Variants in SAMMSON observed in about 807,000 individuals in gnomAD.
SAMMSON encodes the protein survival associated mitochondrial melanoma specific oncogenic non-coding RNA, also known as long intergenic non-protein coding RNA 1212.
At chr3:70,192,071 TAA>T (rs1023779334) in intron 4 of SAMMSON, among the ~76,000 whole-genome samples, 7 of 152,086 alleles carry the variant, frequency 4.6e-5, no homozygotes, top group African/African-American at 1.7e-4. Context: ...AACTATATAC[TAA>T]GAGTGTAAGG....
intron 7 of SAMMSON, among the ~76,000 whole-genome samples, chr3:70,347,924 TC>T (rs1301437689): frequency 1.3e-5 from 2 of 152,096 alleles, no homozygotes; most frequent in Non-Finnish European, 2.9e-5. Context: ...ATGCCTATAA[TC>T]CCAGCTACTT....
intron 6 of SAMMSON, among the ~76,000 whole-genome samples, chr3:70,276,081 A>T (rs1266050701): frequency 1.3e-5 from 2 of 152,184 alleles, no homozygotes; most frequent in African/African-American, 2.4e-5. Context: ...AAATACAATT[A>T]TAATTAAGAT....
At chr3:70,119,359 C>T (rs907741564) in intron 4 of SAMMSON, among the ~76,000 whole-genome samples, 1 of 152,126 alleles carries the variant, frequency 6.6e-6, no homozygotes, top group African/African-American at 2.4e-5. Context: ...GAGCCACTGC[C>T]CCCTGACCGC....
chr3:70,209,530 C>G lies in SAMMSON; in HGVS notation n.508-39577C>G, dbSNP rs948819347. ...GATGGGAAATGTATGAATGGGTATC[C>G]CCAGTTAGCAGATGAATGAAGGTAA... is the stretch of plus-strand genomic sequence containing the variant. On this transcript the variant is annotated intron_variant and non_coding_transcript_variant, in intron 4 of 9. Coordinates refer to ENST00000642114, the Ensembl canonical transcript of SAMMSON. Among the ~76,000 whole-genome samples, 10 of 152,004 alleles carry G rather than the reference C, an allele frequency of 6.6e-5. No individual in the cohort carries two copies. In the East Asian group the frequency reaches 1.9e-3, roughly 29 times the overall value.
chr3:70,154,924 G>A (rs1279766047), intron 4 of SAMMSON, among the ~76,000 whole-genome samples: 1 of 151,864 alleles, frequency 6.6e-6, no homozygotes, highest in Non-Finnish European at 1.5e-5. Flanking sequence ...TAAAGGGTAG[G>A]GGTTCATGAC....
chr3:70,185,613 G>T (rs2106707998), intron 4 of SAMMSON, among the ~76,000 whole-genome samples: 1 of 152,188 alleles, frequency 6.6e-6, no homozygotes, highest in South Asian at 2.1e-4. Flanking sequence ...ATAAGTAAAA[G>T]AATCAAAATA....
chr3:70,196,299 C>A lies in SAMMSON; in HGVS notation n.508-52808C>A, dbSNP rs79024474. 3.3e-3 allele frequency among the ~76,000 whole-genome samples: 495 copies of A among 152,182 alleles called. 4 individuals carry two copies. Among genetic ancestry groups the A allele is most frequent in the African/African-American group, 0.012 (481 of 41,522 alleles). On this transcript the variant is annotated intron_variant and non_coding_transcript_variant, in intron 4 of 9. Coordinates refer to ENST00000642114, the Ensembl canonical transcript of SAMMSON. ...AATTATAGTACTCTCTTGAAGTACACCATATTCAAAATTCACTGGAGATGT... is the reference window on the plus strand; with the variant it reads ...AATTATAGTACTCTCTTGAAGTACAACATATTCAAAATTCACTGGAGATGT...
intron 6 of SAMMSON, among the ~76,000 whole-genome samples, chr3:70,280,568 C>A (rs562212712): frequency 6.6e-6 from 1 of 152,248 alleles, no homozygotes; most frequent in African/African-American, 2.4e-5. Flanking sequence ...ACTCAGAAAA[C>A]GATATCCTAA....
At chr3:70,288,545 G>T (rs1489327795) in intron 6 of SAMMSON, among the ~76,000 whole-genome samples, 1 of 149,790 alleles carries the variant, frequency 6.7e-6, no homozygotes, top group Non-Finnish European at 1.5e-5. Context: ...ATTGATTTGG[G>T]GTGGAGAGTT....
chr3:70,321,225 T>C (rs561533342), intron 7 of SAMMSON, among the ~76,000 whole-genome samples: 1 of 152,168 alleles, frequency 6.6e-6, no homozygotes, highest in African/African-American at 2.4e-5. Flanking sequence ...ACCCCAACAT[T>C]TCCTCAACCC....
intron 4 of SAMMSON, among the ~76,000 whole-genome samples, chr3:70,152,226 A>G (rs960756347): frequency 6.6e-6 from 1 of 152,040 alleles, no homozygotes; most frequent in Non-Finnish European, 1.5e-5. Flanking sequence ...CATGAAAAAA[A>G]ATCATCAAAC....
At chr3:70,216,624 T>G (rs531882741) in intron 4 of SAMMSON, among the ~76,000 whole-genome samples, 2 of 152,132 alleles carry the variant, frequency 1.3e-5, no homozygotes, top group Non-Finnish European at 2.9e-5. Context: ...TTATTGAATA[T>G]AATGTATTAT....
At chr3:70,305,433 T>C (rs1322472872) in intron 7 of SAMMSON, among the ~76,000 whole-genome samples, 1 of 152,168 alleles carries the variant, frequency 6.6e-6, no homozygotes, top group East Asian at 1.9e-4. Flanking sequence ...AAATAAGCAT[T>C]AGTGTGGCTT....
intron 2 of SAMMSON, among the ~76,000 whole-genome samples, chr3:70,405,414 A>G (rs536934153): frequency 6.6e-6 from 1 of 152,346 alleles, no homozygotes; most frequent in African/African-American, 2.4e-5. Context: ...GAAGCAGGAA[A>G]ATGTGACCCA....
chr3:70,335,899 C>T (rs1702656504), intron 7 of SAMMSON, among the ~76,000 whole-genome samples: 1 of 151,792 alleles, frequency 6.6e-6, no homozygotes, highest in Non-Finnish European at 1.5e-5. Flanking sequence ...TGTATCAAAC[C>T]AGGAGACCCC....
chr3:70,230,962 G>A (rs1701554041), intron 4 of SAMMSON, among the ~76,000 whole-genome samples: 1 of 152,214 alleles, frequency 6.6e-6, no homozygotes, highest in Non-Finnish European at 1.5e-5. Flanking sequence ...ATCCCATTTC[G>A]CAGTGATTCC....
chr3:70,226,692 C>T (rs1057020592), intron 4 of SAMMSON, among the ~76,000 whole-genome samples: 5 of 146,870 alleles, frequency 3.4e-5, no homozygotes, highest in East Asian at 2.0e-4. Context: ...GAGCCGATAT[C>T]GTGCCACTCC....
chr3:70,126,103 CTGTT>C, intron 4 of SAMMSON: 1 of 1,249,734 alleles, frequency 8.0e-7, no homozygotes, highest in Non-Finnish European at 1.1e-6. Context: ...AGCATTTACT[CTGTT>C]TGTTAGGATT....
chr3:70,286,738 G>A (rs894356676), intron 6 of SAMMSON, among the ~76,000 whole-genome samples: 9 of 152,174 alleles, frequency 5.9e-5, no homozygotes, highest in African/African-American at 1.9e-4. Context: ...ATTTCCTTGA[G>A]CAGTGGTTTG....
Sources: allele counts gnomAD v4.1 joint callset (sites outside exome capture counted in the v4.1 genomes callset), GRCh38; gene constraint gnomAD v4.1.1; transcripts MANE v1.5; gene names NCBI Gene and HGNC (gene_info 2026-07-23, HGNC 2026-07-21).